TKT: variants seen among roughly 807,000 people sequenced by gnomAD.
TKT encodes the protein epididymis luminal protein 107.
TKT carries 47 observed loss-of-function variants against 63.9 expected under a neutral mutation model. The observed-to-expected ratio is 0.74, with a 90% CI of 0.58 to 0.94. The LOEUF (loss-of-function observed/expected upper bound fraction) is 0.94. TKT is among the 40% of genes least tolerant of loss of function. TKT has a pLI of 0.00. For missense variants in TKT, 721 were observed against 846.2 expected (o/e 0.85, Z 1.84); for synonymous variants, 338 against 334.1 (o/e 1.01, Z -0.13).
rs782222931 is a variant in TKT at position 53,242,218 on chromosome 3, G to A, written c.132C>T (p.Ala44=). Residue 44 remains alanine (A), a synonymous_variant, in exon 2 of 14, where the codon GCC becomes GCT. Coordinates refer to ENST00000462138, the MANE Select transcript of TKT (RefSeq NM_001064.4). ...GSGHPTSCCS[A]AEIMAVLFFH... is the part of the protein sequence containing the mutation. ...AAAAGAGGACAGCCATGATCTCTGCGGCGCTGCAGCATGACGTGGGGTGGC... is the reference window on the plus strand; with the variant it reads ...AAAAGAGGACAGCCATGATCTCTGCAGCGCTGCAGCATGACGTGGGGTGGC... 30 of 1,613,956 alleles carry A rather than the reference G, an allele frequency of 1.9e-5. No individual in the cohort carries two copies. Among genetic ancestry groups the A allele is most frequent in the East Asian group, 1.1e-4 (5 of 44,894 alleles).
At chr3:53,237,390 AAAAAC>A (rs1185642391) in intron 4 of TKT, among the ~76,000 whole-genome samples, 7 of 151,750 alleles carry the variant, frequency 4.6e-5, no homozygotes, top group East Asian at 3.9e-4. Context: ...TCCATCTCAA[AAAAAC>A]AAAACAAAAC....
intron 8 of TKT, among the ~76,000 whole-genome samples, chr3:53,229,797 G>T (rs1461216788): frequency 6.6e-6 from 1 of 152,164 alleles, no homozygotes; most frequent in Non-Finnish European, 1.5e-5. Context: ...ACGCCCTGCA[G>T]AGCAGTCTCT....
chr3:53,235,238 C>CA (rs1704968627), intron 4 of TKT, 64 bp from the exon 5 acceptor site: 2 of 1,420,674 alleles, frequency 1.4e-6, no homozygotes, highest in South Asian at 1.4e-5. Context: ...CCCACCCCCC[C>CA]ACCCATCCAA....
chr3:53,240,169 T>C, intron 4 of TKT, 82 bp downstream of exon 4: 1 of 1,351,220 alleles, frequency 7.4e-7, no homozygotes, highest in East Asian at 2.3e-5. Flanking sequence ...AGGAAGAGTC[T>C]GGGGGCGATG....
At chr3:53,241,643 A>ATCTG (rs1705279730) in intron 2 of TKT, among the ~76,000 whole-genome samples, 1 of 152,176 alleles carries the variant, frequency 6.6e-6, no homozygotes, top group Non-Finnish European at 1.5e-5. Flanking sequence ...GATTTCAGGG[A>ATCTG]TCTGTGGCTG....
At chr3:53,241,723 G>A (rs772328482) in intron 2 of TKT, among the ~76,000 whole-genome samples, 6 of 152,188 alleles carry the variant, frequency 3.9e-5, no homozygotes, top group African/African-American at 7.2e-5. Context: ...CCACCACCCC[G>A]AGGGGGCAAG....
chr3:53,235,767 C>G (rs782168149), intron 4 of TKT, among the ~76,000 whole-genome samples: 2 of 152,176 alleles, frequency 1.3e-5, no homozygotes, highest in Admixed American at 6.5e-5. Flanking sequence ...CAGGCTCTCC[C>G]CAAGCTTCCA....
chr3:53,241,062 C>T (rs782553522), intron 3 of TKT, 70 bp downstream of exon 3: 128 of 1,359,760 alleles, frequency 9.4e-5, no homozygotes, highest in Non-Finnish European at 1.2e-4. Flanking sequence ...CACCCCCTAC[C>T]CCCGTCCCAC....
At position 53,235,055 on chromosome 3, in the gene TKT, C is replaced by T. The variant is rs781942938; in HGVS notation, c.557G>A (p.Arg186His). 4 of 1,613,866 alleles carry T rather than the reference C, an allele frequency of 2.5e-6. No individual in the cohort carries two copies. In the African/African-American group the frequency reaches 4.0e-5, roughly 16 times the overall value. ...DNLVAILDIN[R>H]LGQSDPAPLQ... ...TGGGGCCGGGTCACTCTGGCCCAGGCGATTGATGTCTAGAATGGCCACAAG... is the reference window on the plus strand; with the variant it reads ...TGGGGCCGGGTCACTCTGGCCCAGGTGATTGATGTCTAGAATGGCCACAAG... Residue 186 changes from arginine to histidine, a missense_variant, in exon 5 of 14, where the codon CGC becomes CAC. Physicochemically the swap from Arg to His is conservative, Grantham distance 29. Transcript: ENST00000462138.
At position 53,233,264 on chromosome 3, in the gene TKT, T is replaced by G. The variant is rs1553677627; in HGVS notation, c.640A>C (p.Ile214Leu). 1.2e-6 allele frequency: 2 copies of G among 1,610,800 alleles called. No individual in the cohort carries two copies. Among genetic ancestry groups the G allele is most frequent in the Non-Finnish European group, 1.7e-6 (2 of 1,178,436 alleles). The change falls in exon 6 of 14, where the codon ATC becomes CTC. Residue 214 changes from isoleucine (I) to leucine (L), a missense_variant. Coordinates refer to ENST00000462138, the MANE Select transcript of TKT (RefSeq NM_001064.4). ...TCCACGCTGTGTCCATCCACGATGA[T>G]GGCATGCCAACTGGGGACAGGGGGC... ...KRCEAFGWHA[I>L]IVDGHSVEEL...
chr3:53,237,626 A>G (rs940140498), intron 4 of TKT, among the ~76,000 whole-genome samples: 2 of 151,716 alleles, frequency 1.3e-5, no homozygotes, highest in Admixed American at 6.6e-5. Flanking sequence ...GTGTGCTAAG[A>G]ATAAGGAAAA....
chr3:53,233,733 A>T (rs1553677793), intron 5 of TKT: 1 of 152,966 alleles, frequency 6.5e-6, no homozygotes, highest in African/African-American at 2.4e-5. Flanking sequence ...GAAATGAACC[A>T]TGGAGTCAAA....
chr3:53,244,114 G>C (rs1553680479), intron 1 of TKT, among the ~76,000 whole-genome samples: 1 of 152,226 alleles, frequency 6.6e-6, no homozygotes, highest in Non-Finnish European at 1.5e-5. Context: ...GTGAGAAGTA[G>C]AACGTGCAGC....
chr3:53,237,371 G>A (rs1394437324), intron 4 of TKT, among the ~76,000 whole-genome samples: 1 of 151,866 alleles, frequency 6.6e-6, no homozygotes, highest in African/African-American at 2.4e-5. Flanking sequence ...CTGGGTGACA[G>A]AGCAAGACTC....
intron 1 of TKT, among the ~76,000 whole-genome samples, chr3:53,254,280 G>A (rs973569778): frequency 6.6e-6 from 1 of 152,180 alleles, no homozygotes; most frequent in Non-Finnish European, 1.5e-5. Flanking sequence ...CAGAGCTACC[G>A]TGTGCCAGGC....
chr3:53,226,858 G>A lies in TKT; in HGVS notation c.1594C>T (p.Leu532=), dbSNP rs1553675658. 1.2e-6 allele frequency: 2 copies of A among 1,611,746 alleles called. No homozygotes were observed. Among genetic ancestry groups the A allele is most frequent in the South Asian group, 1.1e-5 (1 of 90,806 alleles). The change falls in exon 13 of 14, where the codon CTG becomes TTG. Residue 532 remains leucine (L), a synonymous_variant. Transcript: ENST00000462138. ...AGGGGCTTGATGGTGAAGGGGTCCA[G>A]CACGCGGATGTTGATCTTTTCTGTG... ...LKKEKINIRV[L]DPFTIKPLDR... is the part of the protein sequence containing the mutation.
At chr3:53,243,060 T>C (rs1273935836) in intron 1 of TKT, among the ~76,000 whole-genome samples, 4 of 152,164 alleles carry the variant, frequency 2.6e-5, no homozygotes, top group Admixed American at 2.6e-4. Context: ...CTTCTGCCTA[T>C]GGACAAGGGC....
intron 1 of TKT, among the ~76,000 whole-genome samples, chr3:53,250,636 G>A (rs1705703701): frequency 6.6e-6 from 1 of 152,132 alleles, no homozygotes; most frequent in African/African-American, 2.4e-5. Flanking sequence ...CCAAGGCATA[G>A]TGGCTCATGC....
rs1478359926 is a variant in TKT at position 53,225,493 on chromosome 3, TGAG to T, written c.*260_*262del. On this transcript the variant is annotated 3_prime_UTR_variant, in exon 14 of 14. Coordinates refer to ENST00000462138, the MANE Select transcript of TKT (RefSeq NM_001064.4). Reference sequence around the variant, plus strand: ...GGGAGGCAGCGATAGTTCTGGAGGTTGAGGGCAGTTGCAGGTGATTCCAAGGGG... The same window carrying T: ...GGGAGGCAGCGATAGTTCTGGAGGTTGGCAGTTGCAGGTGATTCCAAGGGG... 4 of 344,420 alleles carry T rather than the reference TGAG, an allele frequency of 1.2e-5. No homozygotes were observed. Among genetic ancestry groups the T allele is most frequent in the African/African-American group, 8.4e-5 (4 of 47,722 alleles). The allele number at this position is 344,420 out of a possible 1,614,324, so 21.3% of individuals were successfully genotyped here. A position where few individuals can be genotyped will look rare whatever the true frequency, so the allele number is the denominator to read the frequency against.
Sources: gnomAD v4.1 joint callset for allele counts (sites outside exome capture counted in the v4.1 genomes callset) on GRCh38, gnomAD v4.1.1 for gene constraint, MANE v1.5 for transcripts, NCBI Gene and HGNC (gene_info 2026-07-23, HGNC 2026-07-21) for gene names.